The following RGPD8 variants were observed in gnomAD, a reference collection of about 807,000 sequenced individuals.
The protein encoded by RGPD8 is RANBP2 like and GRIP domain containing 8.
Under a neutral mutation model 89.1 loss-of-function variants are expected in RGPD8, and 15 were observed. The ratio of observed to expected loss-of-function variants is 0.17; its 90% confidence interval spans 0.11 to 0.26. The LOEUF is 0.26. Among genes scored for constraint, RGPD8 ranks in the 10% least tolerant of loss-of-function variants. The probability of loss-of-function intolerance (pLI) is 1.00; values close to 1 mark genes in which losing one functional copy is unlikely to be tolerated. For missense variants in RGPD8, 178 were observed against 1,179.6 expected, an observed-to-expected ratio of 0.15 and a Z score of 12.44; for synonymous variants, 62 against 420.9, an observed-to-expected ratio of 0.15 and a Z score of 10.44.
intron 1 of RGPD8, among the ~76,000 whole-genome samples, chr2:112,424,796 C>T (rs566808039): frequency 1.3e-5 from 2 of 151,110 alleles, no homozygotes; most frequent in Non-Finnish European, 2.9e-5. Context: ...GTTGGTCACA[C>T]CTTTAATTCT....
At chr2:112,424,701 A>C (rs1574022494) in intron 1 of RGPD8, among the ~76,000 whole-genome samples, 2 of 151,548 alleles carry the variant, frequency 1.3e-5, no homozygotes, top group African/African-American at 2.4e-5. Context: ...GTGCCATTGC[A>C]CTCCAGCCTG....
At chr2:112,425,035 GC>G (rs1679713630) in intron 1 of RGPD8, among the ~76,000 whole-genome samples, 1 of 152,100 alleles carries the variant, frequency 6.6e-6, no homozygotes. Context: ...CTGCACTCCA[GC>G]CTGGGTGACA....
At position 112,433,437 on chromosome 2, in the gene RGPD8, G is replaced by A; in HGVS notation, c.17C>T (p.Ala6Val). Residue 6 changes from alanine (A) to valine (V), a missense_variant, in exon 1 of 23, where the codon GCC becomes GTC. Ala to Val is a moderately conservative substitution (Grantham distance 64). Coordinates refer to ENST00000302558, the MANE Select transcript of RGPD8 (RefSeq NM_001164463.1). The stretch of plus-strand genomic sequence containing the variant: ...CGAGGCGACGTACCGCTCCACATCG[G>A]CCTTGCTGCGCCTCATCGCGCCGCC... MRRSK[A>V]DVERYVASVL... The A allele has an allele frequency of 6.2e-7, 1 of 1,608,798 alleles. No individual in the cohort carries two copies. The highest frequency in any genetic ancestry group is 8.5e-7 in the Non-Finnish European group (1 of 1,178,610).
intron 7 of RGPD8, among the ~76,000 whole-genome samples, chr2:112,410,578 C>A (rs1364592519): frequency 6.6e-6 from 1 of 150,382 alleles, no homozygotes; most frequent in East Asian, 2.0e-4. Flanking sequence ...AAGATCGAGA[C>A]CATCCTGGCT....
intron 20 of RGPD8, among the ~76,000 whole-genome samples, chr2:112,382,050 G>A (rs1478031232): frequency 2.0e-5 from 3 of 151,574 alleles, no homozygotes; most frequent in Middle Eastern, 3.2e-3. Flanking sequence ...AGCTGCCAGC[G>A]AATATAAAGC....
At chr2:112,429,408 T>A (rs1574027588) in intron 1 of RGPD8, among the ~76,000 whole-genome samples, 1 of 92,462 alleles carries the variant, frequency 1.1e-5, no homozygotes, top group Non-Finnish European at 1.9e-5. Flanking sequence ...AGAGCCAGAC[T>A]CCGTCTCAAA....
chr2:112,424,172 T>C lies in RGPD8; in HGVS notation c.140+68A>G, dbSNP rs1574021782. Reference sequence around the variant, plus strand: ...CTACTAAGAACATATTTTTACCTATTTCAAAGAAGAAAATGAGAAAAGGCA... The same window carrying C: ...CTACTAAGAACATATTTTTACCTATCTCAAAGAAGAAAATGAGAAAAGGCA... On this transcript the variant is annotated intron_variant, in intron 2 of 22. Transcript: ENST00000302558. 79 of 1,519,922 alleles carry C rather than the reference T, an allele frequency of 5.2e-5. No homozygotes were observed. In the East Asian group the frequency reaches 1.8e-3, roughly 35 times the overall value. The allele number at this position is 1,519,922 out of a possible 1,614,324, so 94.2% of individuals were successfully genotyped here. A position where few individuals can be genotyped will look rare whatever the true frequency, so the allele number is the denominator to read the frequency against.
At chr2:112,430,019 C>G (rs1341179676) in intron 1 of RGPD8, among the ~76,000 whole-genome samples, 2 of 152,152 alleles carry the variant, frequency 1.3e-5, no homozygotes, top group Non-Finnish European at 2.9e-5. Flanking sequence ...ATTGGTCAGG[C>G]TGGTCTCTCG....
chr2:112,417,267 CAG>C lies in RGPD8; in HGVS notation c.706_707del (p.Leu236AlafsTer5), dbSNP rs1679454930. The stretch of plus-strand genomic sequence containing the variant: ...GAAGCATAAGATTAGCATAGGCCAG[CAG>C]TAAGTCTGTATTGGTTGCTCGCCAG... Reference protein sequence around the residue: ...SDWRATNTDLLLAYANLMLLT... With the variant: ...SDWRATNTDLXLAYANLMLLT... On this transcript the variant is annotated frameshift_variant, in exon 6 of 23. Transcript: ENST00000302558. LOFTEE classifies it high-confidence loss of function. The C allele has an allele frequency of 6.2e-7, 1 of 1,610,418 alleles. No individual in the cohort carries two copies. Among genetic ancestry groups the C allele is most frequent in the Non-Finnish European group, 8.5e-7 (1 of 1,179,852 alleles).
At chr2:112,408,878 G>T (rs1478876547) in intron 7 of RGPD8, among the ~76,000 whole-genome samples, 3 of 151,904 alleles carry the variant, frequency 2.0e-5, no homozygotes, top group Non-Finnish European at 2.9e-5. Flanking sequence ...GACCATGTTG[G>T]TCAGGATGGT....
At chr2:112,374,867 T>C (rs4849064) in intron 22 of RGPD8, among the ~76,000 whole-genome samples, 7 of 134,740 alleles carry the variant, frequency 5.2e-5, no homozygotes, top group African/African-American at 1.4e-4. Flanking sequence ...TCTTTTTTTT[T>C]TTTTTTTTTT....
intron 1 of RGPD8, among the ~76,000 whole-genome samples, chr2:112,427,957 C>G (rs1314898982): frequency 6.6e-6 from 1 of 152,120 alleles, no homozygotes; most frequent in Non-Finnish European, 1.5e-5. Context: ...GAAACTCCAG[C>G]TTTCAGGTAA....
chr2:112,429,415 CAAAAAAAAA>C (rs71412832), intron 1 of RGPD8, among the ~76,000 whole-genome samples: 1 of 45,754 alleles, frequency 2.2e-5, no homozygotes, highest in Admixed American at 2.6e-4. Flanking sequence ...GACTCCGTCT[CAAAAAAAAA>C]AAAAAAAAAA....
intron 17 of RGPD8, among the ~76,000 whole-genome samples, chr2:112,395,645 TTTA>T (rs1678802597): frequency 7.8e-6 from 1 of 128,342 alleles, no homozygotes; most frequent in Non-Finnish European, 1.7e-5. Context: ...CTGCAGAGAA[TTTA>T]TTATGTATAT....
At chr2:112,432,703 G>C (rs1395946178) in intron 1 of RGPD8, 1 of 985,306 alleles carries the variant, frequency 1.0e-6, no homozygotes, top group East Asian at 1.1e-4. Flanking sequence ...GAACTAGGCC[G>C]CGCGGGTACT....
chr2:112,381,754 G>A, intron 20 of RGPD8, among the ~76,000 whole-genome samples: 1 of 146,488 alleles, frequency 6.8e-6, no homozygotes, highest in South Asian at 2.3e-4. Flanking sequence ...AGTTTATCCT[G>A]CTTTCTAATA....
intron 1 of RGPD8, among the ~76,000 whole-genome samples, chr2:112,428,307 T>C (rs1679865072): frequency 6.7e-6 from 1 of 149,262 alleles, no homozygotes; most frequent in South Asian, 2.1e-4. Context: ...TAGCCGGGCA[T>C]GGTGGCGCAC....
intron 1 of RGPD8, among the ~76,000 whole-genome samples, chr2:112,426,829 T>G (rs2104836003): frequency 7.4e-6 from 1 of 134,870 alleles, no homozygotes; most frequent in African/African-American, 2.8e-5. Context: ...CCCCCTTCCT[T>G]TTTTTTTTTT....
intron 2 of RGPD8, among the ~76,000 whole-genome samples, chr2:112,423,466 C>T (rs1437057874): frequency 2.5e-3 from 208 of 82,798 alleles, no homozygotes; most frequent in African/African-American, 0.01. Context: ...TATGGGAGGC[C>T]GAGGCAGGCA....
Sources: gnomAD v4.1 joint callset for allele counts (sites outside exome capture counted in the v4.1 genomes callset) on GRCh38, gnomAD v4.1.1 for gene constraint, MANE v1.5 for transcripts, NCBI Gene and HGNC (gene_info 2026-07-23, HGNC 2026-07-21) for gene names.